The following GOT2 variants were observed in gnomAD, a reference collection of about 807,000 sequenced individuals.
GOT2 encodes glutamic-oxaloacetic transaminase 2.
In GOT2, 17 loss-of-function variants were observed where a neutral mutation model predicts 50.0. The observed-to-expected ratio is 0.34, with a 90% CI of 0.23 to 0.51. The LOEUF is 0.51. Among genes scored for constraint, GOT2 ranks in the 20% least tolerant of loss-of-function variants. The pLI is 0.97. For missense variants in GOT2, 430 were observed against 559.6 expected, an observed-to-expected ratio of 0.77 and a Z score of 2.34; for synonymous variants, 172 against 204.9, an observed-to-expected ratio of 0.84 and a Z score of 1.37.
chr16:58,730,995 C>T (rs1246391986), intron 1 of GOT2, among the ~76,000 whole-genome samples: 1 of 152,202 alleles, frequency 6.6e-6, no homozygotes, highest in South Asian at 2.1e-4. Context: ...ATTGTAATTT[C>T]CCTGGAGCTT....
chr16:58,723,094 G>A (rs982383830), intron 2 of GOT2, among the ~76,000 whole-genome samples: 2 of 152,198 alleles, frequency 1.3e-5, no homozygotes, highest in Non-Finnish European at 2.9e-5. Flanking sequence ...CTGTTAAATG[G>A]AGGAACTATT....
intron 8 of GOT2, among the ~76,000 whole-genome samples, chr16:58,710,100 G>A (rs1369604432): frequency 6.6e-6 from 1 of 152,192 alleles, no homozygotes; most frequent in Non-Finnish European, 1.5e-5. Flanking sequence ...GTTTTGCCAT[G>A]TTGCGCGGTT....
At chr16:58,710,657 G>A (rs539091354) in intron 8 of GOT2, among the ~76,000 whole-genome samples, 22 of 151,616 alleles carry the variant, frequency 1.5e-4, no homozygotes, top group Non-Finnish European at 2.5e-4. Context: ...CCAGGCGGGC[G>A]GATCACGAGG....
intron 8 of GOT2, among the ~76,000 whole-genome samples, chr16:58,713,467 T>C (rs767166601): frequency 1.3e-5 from 2 of 151,910 alleles, no homozygotes; most frequent in African/African-American, 2.4e-5. Flanking sequence ...AGTGAGACCT[T>C]GTCTTTATAA....
At chr16:58,711,800 T>C (rs1318914477) in intron 8 of GOT2, among the ~76,000 whole-genome samples, 5 of 152,166 alleles carry the variant, frequency 3.3e-5, no homozygotes, top group African/African-American at 9.7e-5. Flanking sequence ...CCCAAAGATA[T>C]TGAGTGCATG....
chr16:58,730,285 A>ACACC (rs2044824107), intron 1 of GOT2, among the ~76,000 whole-genome samples: 1 of 152,098 alleles, frequency 6.6e-6, no homozygotes, highest in Non-Finnish European at 1.5e-5. Context: ...TCATCTGGGT[A>ACACC]ATAAGCATAG....
intron 7 of GOT2, chr16:58,716,461 A>G: frequency 1.6e-6 from 1 of 617,246 alleles, no homozygotes; most frequent in African/African-American, 1.8e-5. Context: ...TTTGCTGGAA[A>G]AACTTAAGGA....
rs374946950 is a variant in GOT2 at position 58,734,068 on chromosome 16, T to C, written c.89+72A>G. The C allele has an allele frequency of 2.9e-4, 232 of 812,130 alleles. 2 individuals carry two copies. In the African/African-American group the frequency reaches 3.5e-3, roughly 12 times the overall value. The allele number at this position is 812,130 out of a possible 1,614,324, so 50.3% of individuals were successfully genotyped here. On this transcript the variant is annotated intron_variant, in intron 1 of 9. Transcript: ENST00000245206. ...GTATTTGGGGGCCGGGAGGGGTGAA[T>C]GTCCTGGGGTGCTCGCAGCTCGGCG...
chr16:58,733,347 T>C (rs2044850604), intron 1 of GOT2, among the ~76,000 whole-genome samples: 3 of 152,128 alleles, frequency 2.0e-5, no homozygotes, highest in Admixed American at 2.0e-4. Flanking sequence ...AGTTGTATCG[T>C]TGGCATCTGG....
chr16:58,719,150 T>C (rs1256148798), intron 4 of GOT2, 46 bp downstream of exon 4: 2 of 1,363,304 alleles, frequency 1.5e-6, no homozygotes, highest in African/African-American at 1.4e-5. Context: ...GGAAGCCCTG[T>C]CATCTGGAAT....
At chr16:58,733,961 G>T in intron 1 of GOT2, 179 bp downstream of exon 1, 1 of 400,882 alleles carries the variant, frequency 2.5e-6, no homozygotes, top group East Asian at 3.6e-5. Flanking sequence ...GTGGGGCACG[G>T]ACGCTCAATC....
chr16:58,708,146 T>C lies in GOT2; in HGVS notation c.*25A>G, dbSNP rs780427667. 111 of 1,611,400 alleles carry C rather than the reference T, an allele frequency of 6.9e-5. No homozygotes were observed. Among genetic ancestry groups the C allele is most frequent in the Non-Finnish European group, 9.2e-5 (108 of 1,178,690 alleles). The stretch of plus-strand genomic sequence containing the variant: ...GCAGAGGCTGAAGACAGAAAGGTTG[T>C]CTCTGTTTCCTCGCACCAGGGACAT... On this transcript the variant is annotated 3_prime_UTR_variant, in exon 10 of 10. Transcript: ENST00000245206.
In GOT2 at chr16:58,729,631, G is replaced by A. The variant is rs141061402; in HGVS notation, c.89+4509C>T. On this transcript the variant is annotated intron_variant, in intron 1 of 9. Coordinates refer to ENST00000245206, the MANE Select transcript of GOT2 (RefSeq NM_002080.4). The stretch of plus-strand genomic sequence containing the variant: ...AAGCATCATTCTTGTTAAATGGTGT[G>A]AAAAGCACTTATTTTTCAAGTTCTT... 2.2e-4 allele frequency among the ~76,000 whole-genome samples: 33 copies of A among 152,192 alleles called. No individual in the cohort carries two copies. In the East Asian group the frequency reaches 6.4e-3, roughly 29 times the overall value.
At chr16:58,711,268 G>A (rs1394989026) in intron 8 of GOT2, among the ~76,000 whole-genome samples, 1 of 152,112 alleles carries the variant, frequency 6.6e-6, no homozygotes, top group Non-Finnish European at 1.5e-5. Context: ...ATAGGACACT[G>A]CTATGCTAAA....
At chr16:58,712,841 G>C (rs1036823610) in intron 8 of GOT2, among the ~76,000 whole-genome samples, 1 of 152,210 alleles carries the variant, frequency 6.6e-6, no homozygotes, top group African/African-American at 2.4e-5. Flanking sequence ...TGGGCGCAGT[G>C]GTTCACGCCT....
chr16:58,723,664 G>A (rs12933313), intron 2 of GOT2, 82 bp downstream of exon 2: 15,066 of 1,141,692 alleles, frequency 0.013, 136 homozygotes, highest in Non-Finnish European at 0.017. Flanking sequence ...CCTGATTCCC[G>A]GTCCAGCACT....
Position 58,709,432 on chromosome 16 carries a change from C to T in GOT2, c.1155G>A (p.Gly385=), listed in dbSNP as rs2044628525. 1 of 1,611,424 alleles carries T rather than the reference C, an allele frequency of 6.2e-7. No homozygotes were observed. Among genetic ancestry groups the T allele is most frequent in the African/African-American group, 1.3e-5 (1 of 74,930 alleles). The change falls in exon 9 of 10, where the codon GGG becomes GGA. Residue 385 remains glycine, a synonymous_variant. Transcript: ENST00000245206. ...TDQIGMFCFT[G]LKPEQVERLI... is the part of the protein sequence containing the mutation. ...AATCACTCACCTGTTCAGGCTTTAG[C>T]CCTGTGAAACAGAACATGCCAATTT...
intron 8 of GOT2, among the ~76,000 whole-genome samples, chr16:58,714,713 A>G (rs1222781005): frequency 6.6e-6 from 1 of 152,132 alleles, no homozygotes; most frequent in Admixed American, 6.5e-5. Context: ...TGTTTAAAAA[A>G]AAACAAAAAA....
At chr16:58,709,216 T>C (rs1187021515) in intron 9 of GOT2, 4 of 481,894 alleles carry the variant, frequency 8.3e-6, no homozygotes, top group Non-Finnish European at 1.5e-5. Context: ...TGAGCTGAGA[T>C]TGCACCACTG....
Sources: gnomAD v4.1 joint callset for allele counts (sites outside exome capture counted in the v4.1 genomes callset) on GRCh38, gnomAD v4.1.1 for gene constraint, MANE v1.5 for transcripts, NCBI Gene and HGNC (gene_info 2026-07-23, HGNC 2026-07-21) for gene names.